Variants in MARCHF11 observed in about 807,000 individuals in gnomAD.
MARCHF11 encodes the protein membrane associated ring-CH-type finger 11.
In MARCHF11, 29 loss-of-function variants were observed where a neutral mutation model predicts 37.3. That is an observed-to-expected ratio of 0.78 (90% CI 0.58 to 1.06). MARCHF11 has a LOEUF of 1.06. MARCHF11 is among the 50% of genes least tolerant of loss of function. The pLI is 0.00. For synonymous variants in MARCHF11, 233 were observed against 228.0 expected (o/e 1.02, Z -0.20); for missense variants, 482 against 533.4 (o/e 0.90, Z 0.95).
chr5:16,095,549 C>T (rs558219462), intron 2 of MARCHF11, among the ~76,000 whole-genome samples: 1 of 152,154 alleles, frequency 6.6e-6, no homozygotes, highest in East Asian at 1.9e-4. Context: ...TTTATTCTCC[C>T]AAATGCACTG....
Position 16,179,033 on chromosome 5 carries a change from C to G in MARCHF11, c.537+6G>C. 1 of 1,466,838 alleles carries G rather than the reference C, an allele frequency of 6.8e-7. No individual in the cohort carries two copies. The highest frequency in any genetic ancestry group is 9.0e-7 in the Non-Finnish European group (1 of 1,114,898). The allele number at this position is 1,466,838 out of a possible 1,614,324, so 90.9% of individuals were successfully genotyped here. ...CCGGCTGCCTCGGGGTCTCGCCGGG[C>G]CTTACCTGCTCCGCGCCCTGGAAGC... On this transcript the variant is annotated splice_donor_region_variant and intron_variant, in intron 1 of 3. Transcript: ENST00000332432.
At chr5:16,134,979 C>CTT in intron 2 of MARCHF11, among the ~76,000 whole-genome samples, 1 of 120,382 alleles carries the variant, frequency 8.3e-6, no homozygotes, top group South Asian at 3.6e-4. Flanking sequence ...TGAGTGATTT[C>CTT]TCTCTCTCTC....
chr5:16,171,453 A>G (rs535325119), intron 2 of MARCHF11, among the ~76,000 whole-genome samples: 1 of 152,184 alleles, frequency 6.6e-6, no homozygotes, highest in African/African-American at 2.4e-5. Flanking sequence ...GAGTGAACCC[A>G]GCTCGCTACC....
chr5:16,095,557 CT>C (rs752447558), intron 2 of MARCHF11, among the ~76,000 whole-genome samples: 4 of 152,280 alleles, frequency 2.6e-5, no homozygotes, highest in East Asian at 1.9e-4. Context: ...CCCAAATGCA[CT>C]GTTTACTTTG....
intron 2 of MARCHF11, among the ~76,000 whole-genome samples, chr5:16,173,130 T>C (rs758876802): frequency 2.0e-5 from 3 of 152,224 alleles, no homozygotes; most frequent in Non-Finnish European, 4.4e-5. Context: ...AAAAGGTCTA[T>C]GGACCACATG....
intron 2 of MARCHF11, chr5:16,141,703 A>G (rs923861340): frequency 6.6e-6 from 1 of 152,226 alleles, no homozygotes; most frequent in Non-Finnish European, 1.5e-5. Flanking sequence ...TGTTTTTAAA[A>G]TCCAATAAAA....
At chr5:16,093,689 A>G (rs1560972643) in intron 2 of MARCHF11, among the ~76,000 whole-genome samples, 1 of 152,228 alleles carries the variant, frequency 6.6e-6, no homozygotes, top group Non-Finnish European at 1.5e-5. Context: ...GGTGACAGCA[A>G]ATTTAAATTT....
At chr5:16,068,362 A>G (rs1027768588) in intron 3 of MARCHF11, among the ~76,000 whole-genome samples, 3 of 152,216 alleles carry the variant, frequency 2.0e-5, no homozygotes, top group African/African-American at 7.2e-5. Flanking sequence ...CTTTATGAAT[A>G]TTATCCCATG....
intron 2 of MARCHF11, among the ~76,000 whole-genome samples, chr5:16,099,470 TAA>T (rs978054005): frequency 2.6e-5 from 4 of 152,080 alleles, no homozygotes; most frequent in Admixed American, 6.5e-5. Context: ...CAAAAATAAA[TAA>T]GACTCATATA....
intron 3 of MARCHF11, among the ~76,000 whole-genome samples, chr5:16,083,954 C>G (rs1736652890): frequency 6.6e-6 from 1 of 152,146 alleles, no homozygotes; most frequent in South Asian, 2.1e-4. Context: ...TATTTGTGAT[C>G]ACAGAGTTTG....
intron 2 of MARCHF11, among the ~76,000 whole-genome samples, chr5:16,125,619 CTGTGTGT>C (rs1449638048): frequency 7.0e-6 from 1 of 142,254 alleles, no homozygotes; most frequent in Non-Finnish European, 1.5e-5. Context: ...GGCACACTCT[CTGTGTGT>C]GTGTGTGTGT....
chr5:16,128,453 G>GC (rs1737456919), intron 2 of MARCHF11, among the ~76,000 whole-genome samples: 1 of 152,154 alleles, frequency 6.6e-6, no homozygotes, highest in African/African-American at 2.4e-5. Flanking sequence ...GCTATCAACT[G>GC]CCAAGGTATG....
chr5:16,074,289 C>T (rs1463390719), intron 3 of MARCHF11, among the ~76,000 whole-genome samples: 3 of 152,116 alleles, frequency 2.0e-5, no homozygotes, highest in Admixed American at 6.6e-5. Flanking sequence ...TAAATGCCTA[C>T]ATCAAAAAGT....
chr5:16,075,303 T>G (rs1457625520), intron 3 of MARCHF11, among the ~76,000 whole-genome samples: 1 of 152,188 alleles, frequency 6.6e-6, no homozygotes, highest in Admixed American at 6.5e-5. Flanking sequence ...ACTCTTACAT[T>G]TGCACAACGA....
intron 2 of MARCHF11, among the ~76,000 whole-genome samples, chr5:16,168,504 G>A (rs1259676977): frequency 1.3e-5 from 2 of 152,124 alleles, no homozygotes; most frequent in African/African-American, 2.4e-5. Flanking sequence ...GTATGACTGA[G>A]AGAGACCACT....
chr5:16,173,056 G>A (rs551272140), intron 2 of MARCHF11, among the ~76,000 whole-genome samples: 4 of 152,314 alleles, frequency 2.6e-5, no homozygotes, highest in African/African-American at 2.4e-5. Context: ...AAAGGAAAAC[G>A]AGTAAGGGAA....
At chr5:16,085,993 C>T (rs78685549) in intron 3 of MARCHF11, among the ~76,000 whole-genome samples, 2,729 of 145,818 alleles carry the variant, frequency 0.019, 76 homozygotes, top group African/African-American at 0.065. Flanking sequence ...TTACTCAACC[C>T]AGACTTTCCA....
In MARCHF11 at chr5:16,177,772, C is replaced by G; in HGVS notation, c.647G>C (p.Cys216Ser). 1 of 1,613,734 alleles carries G rather than the reference C, an allele frequency of 6.2e-7. No homozygotes were observed. The highest frequency in any genetic ancestry group is 8.5e-7 in the Non-Finnish European group (1 of 1,179,772). ...ERGSWTCELCCYRYHVIAIKM... is the reference protein window; with the variant it reads ...ERGSWTCELCSYRYHVIAIKM... ...AATGGCTATAACATGGTATCTATAACAGCAAAGTTCACAGGTCCAGGAACC... is the reference window on the plus strand; with the variant it reads ...AATGGCTATAACATGGTATCTATAAGAGCAAAGTTCACAGGTCCAGGAACC... The change falls in exon 2 of 4, where the codon TGT becomes TCT. Residue 216 changes from cysteine (C) to serine (S), a missense_variant. Transcript: ENST00000332432.
intron 2 of MARCHF11, among the ~76,000 whole-genome samples, chr5:16,143,323 C>A (rs1737748981): frequency 1.3e-5 from 2 of 152,070 alleles, no homozygotes; most frequent in South Asian, 4.1e-4. Flanking sequence ...CAAGTCTTGA[C>A]CTGGCCTCAT....
Sources: gnomAD v4.1 joint callset for allele counts (sites outside exome capture counted in the v4.1 genomes callset) on GRCh38, gnomAD v4.1.1 for gene constraint, MANE v1.5 for transcripts, NCBI Gene and HGNC (gene_info 2026-07-23, HGNC 2026-07-21) for gene names.